The following RNH1 variants were observed in gnomAD, a reference collection of about 807,000 sequenced individuals.
RNH1 encodes ribonuclease/angiogenin inhibitor 1.
RNH1 carries 38 observed loss-of-function variants against 46.1 expected under a neutral mutation model. That is an observed-to-expected ratio of 0.82 (90% confidence interval 0.64 to 1.08). The LOEUF (loss-of-function observed/expected upper bound fraction) is 1.08. Among genes scored for constraint, RNH1 ranks in the 50% least tolerant of loss-of-function variants. The probability of loss-of-function intolerance (pLI) is 0.00; values close to 1 mark genes in which losing one functional copy is unlikely to be tolerated. For missense variants in RNH1, 577 were observed against 590.7 expected, an observed-to-expected ratio of 0.98 and a Z score of 0.24; for synonymous variants, 319 against 279.1, an observed-to-expected ratio of 1.14 and a Z score of -1.43.
chr11:494,730 G>A lies in RNH1; in HGVS notation c.1347C>T (p.Ala449=). The A allele has an allele frequency of 1.2e-6, 2 of 1,613,902 alleles. No individual in the cohort carries two copies. The highest frequency in any genetic ancestry group is 1.1e-5 in the South Asian group (1 of 91,084). ...TCAGGGATGGCTTGTCCTTCTCCAG[G>A]GCCTGCAGCCGGTCCTCCATCTCCT... is the stretch of plus-strand genomic sequence containing the variant. ...WSEEMEDRLQ[A]LEKDKPSLRV... Residue 449 remains alanine, a synonymous_variant, in exon 11 of 11, where the codon GCC becomes GCT. Transcript: ENST00000354420.
intron 6 of RNH1, 31 bp from the exon 7 acceptor site, chr11:498,964 C>G (rs747400415): frequency 3.1e-6 from 5 of 1,611,064 alleles, no homozygotes; most frequent in Non-Finnish European, 4.2e-6. Flanking sequence ...TGAGGCAGCA[C>G]GGGACCCCCC....
intron 6 of RNH1, 40 bp downstream of exon 6, chr11:498,975 C>T: frequency 6.2e-7 from 1 of 1,611,426 alleles, no homozygotes; most frequent in Admixed American, 1.7e-5. Context: ...GGGACCCCCC[C>T]TAGCCCACAC....
In RNH1 at chr11:498,744, C is replaced by A; in HGVS notation, c.785+19G>T. The A allele has an allele frequency of 1.3e-6, 2 of 1,591,136 alleles. No individual in the cohort carries two copies. The highest frequency in any genetic ancestry group is 8.5e-7 in the Non-Finnish European group (1 of 1,171,602). ...GCCGCCCGACCCTCCGGGAAGGAGG[C>A]CTCGCGGAGATGACTCACCACAGGG... is the stretch of plus-strand genomic sequence containing the variant. On this transcript the variant is annotated intron_variant, in intron 7 of 10. Transcript: ENST00000354420.
Position 498,437 on chromosome 11 carries a change from GC to G in RNH1, c.956+19del, listed in dbSNP as rs770181271. ...GCCCTCTCTTGGGCGACAGGGCCCT[GC>G]CCCGACAGCCACACTCACCACAGCG... On this transcript the variant is annotated intron_variant, in intron 8 of 10. Coordinates refer to ENST00000354420, the MANE Select transcript of RNH1 (RefSeq NM_203387.3). 8.0e-5 allele frequency: 129 copies of G among 1,609,864 alleles called. No homozygotes were observed. In the East Asian group the frequency reaches 2.8e-3, roughly 35 times the overall value.
rs777422128 is a variant in RNH1, at chr11:498,151, C to T, written c.957-10G>A. The T allele has an allele frequency of 1.4e-5, 22 of 1,609,754 alleles. No homozygotes were observed. The highest frequency in any genetic ancestry group is 1.7e-5 in the Admixed American group (1 of 59,480). The stretch of plus-strand genomic sequence containing the variant: ...GCTGCAGGACTTCACCCTGTGGACA[C>T]AGACAGGACTGACGCCTGGCAGGGG... On this transcript the variant is annotated splice_polypyrimidine_tract_variant and intron_variant, in intron 8 of 10. Coordinates refer to ENST00000354420, the MANE Select transcript of RNH1 (RefSeq NM_203387.3).
chr11:504,452 G>A, intron 2 of RNH1: 1 of 152,774 alleles, frequency 6.5e-6, no homozygotes, highest in Non-Finnish European at 1.5e-5. Flanking sequence ...CAGACCCAAG[G>A]CCAGAGCCGC....
At chr11:498,244 T>C in intron 8 of RNH1, 103 bp from the exon 9 acceptor site, 1 of 1,362,184 alleles carries the variant, frequency 7.3e-7, no homozygotes. Flanking sequence ...AGCAAAAACA[T>C]CTGACAGCCT....
chr11:502,259 G>A lies in RNH1; in HGVS notation c.-87-10C>T. 1.1e-6 allele frequency: 1 copy of A among 932,450 alleles called. No homozygotes were observed. The allele number at this position is 932,450 out of a possible 1,614,324, so 57.8% of individuals were successfully genotyped here. A position where few individuals can be genotyped will look rare whatever the true frequency, so the allele number is the denominator to read the frequency against. On this transcript the variant is annotated splice_polypyrimidine_tract_variant and intron_variant, in intron 2 of 10. Transcript: ENST00000354420. This position sits in a 1 kb window ranked among gnomAD's most constrained non-coding sequence, Gnocchi z 5.8. ...TCACAGGCCGGAGATTCTGCAAACA[G>A]GACCCACAGGGCTGATGTTTCAGGA...
At position 499,204 on chromosome 11, in the gene RNH1, C is replaced by T; in HGVS notation, c.444-19G>A. 1 of 1,609,644 alleles carries T rather than the reference C, an allele frequency of 6.2e-7. No homozygotes were observed. The highest frequency in any genetic ancestry group is 8.5e-7 in the Non-Finnish European group (1 of 1,179,862). ...CTCCAGCCTGGGGGACAGCAGAGCTCAGCACCACACAGGAATGTGCACCAG... is the reference window on the plus strand; with the variant it reads ...CTCCAGCCTGGGGGACAGCAGAGCTTAGCACCACACAGGAATGTGCACCAG... On this transcript the variant is annotated intron_variant, in intron 5 of 10. Transcript: ENST00000354420.
At chr11:499,363 G>A (rs754063108) in intron 5 of RNH1, 178 bp from the exon 6 acceptor site, 51 of 689,216 alleles carry the variant, frequency 7.4e-5, no homozygotes, top group Non-Finnish European at 9.9e-5. Flanking sequence ...TGTGGACACC[G>A]GCATTCCTTC....
intron 5 of RNH1, 38 bp downstream of exon 5, chr11:499,791 G>C: frequency 6.3e-7 from 1 of 1,583,868 alleles, no homozygotes. Context: ...GGGACAGGCA[G>C]CGGCCAGCAT....
intron 2 of RNH1, chr11:503,508 C>T (rs927605833): frequency 2.0e-5 from 3 of 152,334 alleles, no homozygotes; most frequent in African/African-American, 7.2e-5. Context: ...CATCCCACGG[C>T]CCCACATGGA....
rs773724899 is a variant in RNH1 at position 499,842 on chromosome 11, G to A, written c.430C>T (p.Leu144=). 7 of 1,608,656 alleles carry A rather than the reference G, an allele frequency of 4.4e-6. No individual in the cohort carries two copies. Among genetic ancestry groups the A allele is most frequent in the Non-Finnish European group, 8.5e-7 (1 of 1,177,196 alleles). The change falls in exon 5 of 11, where the codon CTG becomes TTG. Residue 144 remains leucine, a synonymous_variant. Transcript: ENST00000354420. The stretch of plus-strand genomic sequence containing the variant: ...ACACAAACTCACTGCAGCTTTTCCA[G>A]GCGGCACTGGGGGTCCAGGAGTCCT... The part of the protein sequence containing the change: ...CEGLLDPQCR[L]EKLQLEYCSL...
At chr11:499,505 C>T in intron 5 of RNH1, 1 of 696,748 alleles carries the variant, frequency 1.4e-6, no homozygotes, top group Non-Finnish European at 2.6e-6. Context: ...GGCCGGGTCC[C>T]CCACACACAC....
rs774863772 is a variant in RNH1 at position 502,213 on chromosome 11, T to C, written c.-51A>G. 2.4e-5 allele frequency: 34 copies of C among 1,433,120 alleles called. No individual in the cohort carries two copies. The highest frequency in any genetic ancestry group is 3.5e-4 in the Middle Eastern group (2 of 5,766). The allele number at this position is 1,433,120 out of a possible 1,614,324, so 88.8% of individuals were successfully genotyped here. On this transcript the variant is annotated 5_prime_UTR_variant, in exon 3 of 11. Coordinates refer to ENST00000354420, the MANE Select transcript of RNH1 (RefSeq NM_203387.3). The surrounding 1 kb of genome is among the most constrained non-coding windows in gnomAD (Gnocchi z 5.8). ...GGGAGGCAGAGGGAAGAGGACGTCT[T>C]GGCCGAATCCCCTCACAGTTTCACA...
rs1288608971 is a variant in RNH1, at chr11:498,031, G to A, written c.1067C>T (p.Ala356Val). 11 of 1,614,096 alleles carry A rather than the reference G, an allele frequency of 6.8e-6. No individual in the cohort carries two copies. Among genetic ancestry groups the A allele is most frequent in the Middle Eastern group, 1.7e-4 (1 of 6,060 alleles). Residue 356 changes from alanine to valine, a missense_variant, in exon 9 of 11, where the codon GCG (alanine) becomes GTG (valine). Physicochemically the swap from Ala to Val is moderately conservative, Grantham distance 64. Coordinates refer to ENST00000354420, the MANE Select transcript of RNH1 (RefSeq NM_203387.3). ...GCCCTGGCACAGCTCCCGCACGCCCGCATCCTCCAGCCTGTTGTTGCTTAT... is the reference window on the plus strand; with the variant it reads ...GCCCTGGCACAGCTCCCGCACGCCCACATCCTCCAGCCTGTTGTTGCTTAT... ...LQISNNRLED[A>V]GVRELCQGLG... is the part of the protein sequence containing the mutation.
Position 501,998 on chromosome 11 carries a change from A to C in RNH1, c.101+64T>G, listed in dbSNP as rs1849789381. On this transcript the variant is annotated intron_variant, in intron 3 of 10. Transcript: ENST00000354420. This position sits in a 1 kb window ranked among gnomAD's most constrained non-coding sequence, Gnocchi z 4.1. ...CGTTCCAGAGCAATGCACCCTTCAG[A>C]GGGAGCCGCCACCCGCCAGCCTGCC... 1 of 1,134,210 alleles carries C rather than the reference A, an allele frequency of 8.8e-7. No homozygotes were observed. The allele number at this position is 1,134,210 out of a possible 1,614,324, so 70.3% of individuals were successfully genotyped here. A position where few individuals can be genotyped will look rare whatever the true frequency, so the allele number is the denominator to read the frequency against.
Position 499,889 on chromosome 11 carries a change from G to T in RNH1, c.383C>A (p.Ala128Glu), listed in dbSNP as rs577864215. 8 of 1,613,016 alleles carry T rather than the reference G, an allele frequency of 5.0e-6. No homozygotes were observed. Among genetic ancestry groups the T allele is most frequent in the Non-Finnish European group, 6.8e-6 (8 of 1,179,884 alleles). ...TCCTTCGCAGAGCAGCTGCAGGCCC[G>T]CATCCCCCAAGAGGTTGTCGCTGAG... ...LHLSDNLLGD[A>E]GLQLLCEGLL... Residue 128 changes from alanine to glutamate, a missense_variant, in exon 5 of 11, where the codon GCG (alanine) becomes GAG (glutamate). Ala to Glu is a moderately radical substitution (Grantham distance 107). Coordinates refer to ENST00000354420, the MANE Select transcript of RNH1 (RefSeq NM_203387.3).
chr11:498,467 C>A lies in RNH1; in HGVS notation c.946G>T (p.Glu316Ter). Reference protein sequence around the residue: ...ETLLEPGCQLESLWVKSCSFT... With the variant: ...ETLLEPGCQL ...GACAGCCACACTCACCACAGCGACT[C>A]CAGCTGGCAGCCAGGTTCCAGCAGG... The change falls in exon 8 of 11, where the codon GAG becomes TAG. Residue 316 changes from glutamate to a stop codon, truncating the protein, a stop_gained. Transcript: ENST00000354420. LOFTEE classifies it high-confidence loss of function. 1 of 1,612,792 alleles carries A rather than the reference C, an allele frequency of 6.2e-7. No homozygotes were observed.
Sources: allele counts gnomAD v4.1 joint callset, GRCh38; gene constraint gnomAD v4.1.1; non-coding constraint Gnocchi (gnomAD v3.1); transcripts MANE v1.5; gene names NCBI Gene and HGNC (gene_info 2026-07-23, HGNC 2026-07-21).